Variants in MLF1 observed in about 807,000 individuals in gnomAD.
MLF1 encodes myelodysplasia-myeloid leukemia factor 1.
MLF1 carries 37 observed loss-of-function variants against 38.3 expected under a neutral mutation model. The observed-to-expected ratio is 0.96, with a 90% CI of 0.74 to 1.27. The LOEUF is 1.27. Among genes scored for constraint, MLF1 ranks in the 50% most tolerant of loss-of-function variants. The pLI is 0.00. For missense variants in MLF1, 331 were observed against 349.2 expected (o/e 0.95, Z 0.42); for synonymous variants, 95 against 106.5 (o/e 0.89, Z 0.66).
rs1005718435 is a variant in MLF1 at position 158,605,361 on chromosome 3, G to C, written c.*159G>C. The C allele has an allele frequency of 1.3e-5, 6 of 462,694 alleles. No homozygotes were observed. Among genetic ancestry groups the C allele is most frequent in the African/African-American group, 1.2e-4 (6 of 50,704 alleles). 28.7% of individuals were successfully genotyped at this position (462,694 alleles called of 1,614,324 possible). ...TTCATGAAGGTCCTAGCTTTATATT[G>C]TCCCTCTTTTAGGAATAAAATTTTG... On this transcript the variant is annotated 3_prime_UTR_variant, in exon 8 of 8. Coordinates refer to ENST00000466246, the MANE Select transcript of MLF1 (RefSeq NM_001369783.1).
At chr3:158,582,612 C>A in intron 1 of MLF1, 1 of 336,544 alleles carries the variant, frequency 3.0e-6, no homozygotes, top group Non-Finnish European at 5.3e-6. Context: ...GAATAAAAAC[C>A]TGTAGAAGAG....
intron 3 of MLF1, among the ~76,000 whole-genome samples, chr3:158,595,405 G>C (rs1374118417): frequency 1.3e-5 from 2 of 152,144 alleles, no homozygotes; most frequent in Non-Finnish European, 2.9e-5. Context: ...GGTCACCCCA[G>C]AGCAAGTGCA....
chr3:158,573,795 T>G (rs955101409), intron 1 of MLF1, among the ~76,000 whole-genome samples: 6 of 141,806 alleles, frequency 4.2e-5, no homozygotes, highest in African/African-American at 1.3e-4. Flanking sequence ...CTGTGGGGGG[T>G]GTGTTGTGCG....
At chr3:158,600,239 T>C in intron 6 of MLF1, 66 bp downstream of exon 6, 1 of 870,024 alleles carries the variant, frequency 1.1e-6, no homozygotes, top group Non-Finnish European at 1.5e-6. Flanking sequence ...ACTTGATGAA[T>C]TTTTTTTTAG....
chr3:158,574,726 T>C (rs564378793), intron 1 of MLF1, among the ~76,000 whole-genome samples: 2 of 151,818 alleles, frequency 1.3e-5, no homozygotes, highest in South Asian at 4.2e-4. Flanking sequence ...GAGAATATTA[T>C]TTTGTAAAAT....
chr3:158,596,995 T>G (rs1440434970), intron 4 of MLF1, 50 bp downstream of exon 4: 3 of 1,204,054 alleles, frequency 2.5e-6, no homozygotes, highest in Non-Finnish European at 3.6e-6. Context: ...CTTTGATATA[T>G]TCTATTTCAT....
At chr3:158,590,860 C>A (rs570196249) in intron 1 of MLF1, 3 of 447,306 alleles carry the variant, frequency 6.7e-6, no homozygotes, top group African/African-American at 6.1e-5. Context: ...TGGTAAATTT[C>A]GTTGAATGTA....
At chr3:158,591,117 C>T in intron 1 of MLF1, 1 of 512,564 alleles carries the variant, frequency 2.0e-6, no homozygotes. Context: ...GAGCTTCCTC[C>T]TTTGAGCTTC....
intron 3 of MLF1, among the ~76,000 whole-genome samples, chr3:158,594,670 T>C (rs751603887): frequency 2.6e-5 from 4 of 152,128 alleles, no homozygotes; most frequent in Non-Finnish European, 5.9e-5. Flanking sequence ...TAAAAATGAA[T>C]TACCTCATTT....
chr3:158,571,877 G>A (rs1245969270), intron 1 of MLF1, among the ~76,000 whole-genome samples: 1 of 20,430 alleles, frequency 4.9e-5, no homozygotes, highest in Non-Finnish European at 9.7e-5. Context: ...TGAGGGGAAG[G>A]GTTGAGGGCG....
chr3:158,576,067 A>G (rs1009442145), intron 1 of MLF1, among the ~76,000 whole-genome samples: 3 of 152,216 alleles, frequency 2.0e-5, no homozygotes, highest in African/African-American at 7.2e-5. Flanking sequence ...TTTGAATTCA[A>G]ATATATTCAG....
intron 1 of MLF1, among the ~76,000 whole-genome samples, chr3:158,585,595 C>G (rs1717131112): frequency 2.0e-5 from 3 of 152,038 alleles, no homozygotes; most frequent in Admixed American, 1.3e-4. Flanking sequence ...TAACAAAGAA[C>G]CAGAGATACA....
chr3:158,582,778 G>GTCT, intron 1 of MLF1: 1 of 625,368 alleles, frequency 1.6e-6, no homozygotes, highest in Non-Finnish European at 2.8e-6. Flanking sequence ...GAAATAGACT[G>GTCT]TCTCAGACAA....
chr3:158,589,722 C>T (rs6788285), intron 1 of MLF1, among the ~76,000 whole-genome samples: 85,044 of 151,600 alleles, frequency 0.56, 24,695 homozygotes, highest in African/African-American at 0.72. Flanking sequence ...AACAACAAAT[C>T]ATCTTATGGT....
chr3:158,597,952 T>G, intron 4 of MLF1, 128 bp from the exon 5 acceptor site: 1 of 1,042,090 alleles, frequency 9.6e-7, no homozygotes, highest in Non-Finnish European at 1.4e-6. Flanking sequence ...GGTGTGCCTT[T>G]GACTACACCA....
At chr3:158,587,148 A>G (rs1229118111) in intron 1 of MLF1, among the ~76,000 whole-genome samples, 1 of 152,244 alleles carries the variant, frequency 6.6e-6, no homozygotes, top group Non-Finnish European at 1.5e-5. Context: ...TACTAAATCA[A>G]AATTCTAGGT....
intron 3 of MLF1, among the ~76,000 whole-genome samples, chr3:158,595,673 T>C (rs907521041): frequency 1.8e-4 from 28 of 152,288 alleles, no homozygotes; most frequent in African/African-American, 4.8e-4. Flanking sequence ...ATTTCCTAAA[T>C]GTGCCTTTGT....
At chr3:158,574,718 G>T (rs903528630) in intron 1 of MLF1, among the ~76,000 whole-genome samples, 4 of 149,992 alleles carry the variant, frequency 2.7e-5, no homozygotes, top group Non-Finnish European at 5.9e-5. Flanking sequence ...TTTAGCCAGA[G>T]AATATTATTT....
At chr3:158,594,124 C>G (rs1205947298) in intron 3 of MLF1, among the ~76,000 whole-genome samples, 1 of 151,846 alleles carries the variant, frequency 6.6e-6, no homozygotes, top group Non-Finnish European at 1.5e-5. Flanking sequence ...TCCCTCCTGA[C>G]CAGAGTATTT....
Sources: gnomAD v4.1 joint callset for allele counts (sites outside exome capture counted in the v4.1 genomes callset) on GRCh38, gnomAD v4.1.1 for gene constraint, MANE v1.5 for transcripts, NCBI Gene and HGNC (gene_info 2026-07-23, HGNC 2026-07-21) for gene names.